Variants in POU4F1 observed in about 807,000 individuals in gnomAD.
The protein encoded by POU4F1 is POU domain, class 4, transcription factor 1.
In POU4F1, 5 loss-of-function variants were observed where a neutral mutation model predicts 19.8. The ratio of observed to expected loss-of-function variants is 0.25; its 90% CI spans 0.13 to 0.53. The LOEUF (loss-of-function observed/expected upper bound fraction) is 0.53. POU4F1 is among the 20% of genes least tolerant of loss of function. The pLI is 0.96. For missense variants in POU4F1, 408 were observed against 511.6 expected, an observed-to-expected ratio of 0.80 and a Z score of 1.95; for synonymous variants, 266 against 247.7, an observed-to-expected ratio of 1.07 and a Z score of -0.69.
At position 78,602,220 on chromosome 13, in the gene POU4F1, C is replaced by A; in HGVS notation, c.455G>T (p.Gly152Val). ...GCCCGGGCCGCCGCCGCCGCCCGGG[C>A]CGCCACCGCCCCCCGGGCCGTCGTG... ...GAHDGPGGGG[G>V]PGGGGGPGGG... Residue 152 changes from glycine to valine, a missense_variant, in exon 2 of 2, where the codon GGC becomes GTC. Transcript: ENST00000377208. 1 of 884,266 alleles carries A rather than the reference C, an allele frequency of 1.1e-6. No individual in the cohort carries two copies. The highest frequency in any genetic ancestry group is 1.3e-6 in the Non-Finnish European group (1 of 742,036). The allele number at this position is 884,266 out of a possible 1,614,324, so 54.8% of individuals were successfully genotyped here.
rs1422739319 is a variant in POU4F1, at chr13:78,602,468, G to A, written c.207C>T (p.Ser69=). 6.3e-7 allele frequency: 1 copy of A among 1,599,426 alleles called. No individual in the cohort carries two copies. Among genetic ancestry groups the A allele is most frequent in the South Asian group, 1.1e-5 (1 of 88,368 alleles). ...EALAAVDIAV[S]QGKSHPFKPD... ...GCTTGAAAGGATGGCTCTTGCCCTG[G>A]GACACGGCGATGTCCACGGCCGCCA... Residue 69 remains serine, a synonymous_variant, in exon 2 of 2, where the codon TCC becomes TCT. Transcript: ENST00000377208.
chr13:78,603,255 C>A lies in POU4F1; in HGVS notation c.72G>T (p.Ser24=), dbSNP rs1276401251. 1.2e-5 allele frequency: 19 copies of A among 1,573,326 alleles called. No homozygotes were observed. The highest frequency in any genetic ancestry group is 1.6e-5 in the Non-Finnish European group (19 of 1,161,524). ...HPTLPEHKYP[S]LHSSSEAIRR... is the part of the protein sequence containing the mutation. ...GGATGGCCTCGGAGCTGGAGTGCAG[C>A]GACGGGTACTTGTGCTCAGGGAGGG... The change falls in exon 1 of 2, where the codon TCG becomes TCT. Residue 24 remains serine, a synonymous_variant. Transcript: ENST00000377208.
chr13:78,599,594 A>T lies in POU4F1; in HGVS notation c.*1821T>A, dbSNP rs1290127309. On this transcript the variant is annotated 3_prime_UTR_variant, in exon 2 of 2. Transcript: ENST00000377208. ...TGCCCTGCAAACAATGATATACAACATAATTAAATAAATAATGCCTAACCA... is the reference window on the plus strand; with the variant it reads ...TGCCCTGCAAACAATGATATACAACTTAATTAAATAAATAATGCCTAACCA... 6.6e-6 allele frequency: 1 copy of T among 152,642 alleles called. No individual in the cohort carries two copies. The highest frequency in any genetic ancestry group is 1.9e-4 in the East Asian group (1 of 5,206). 9.5% of individuals were successfully genotyped at this position (152,642 alleles called of 1,614,324 possible).
rs961846815 is a variant in POU4F1, at chr13:78,598,505, C to T, written c.*2910G>A. ...TTTAACATTAACAACTGTTTAAAAT[C>T]GCAGCTTTTAAAATGTACTATTCTT... On this transcript the variant is annotated 3_prime_UTR_variant, in exon 2 of 2. Transcript: ENST00000377208. The T allele has an allele frequency of 1.3e-5, 2 of 151,464 alleles. No individual in the cohort carries two copies. Among genetic ancestry groups the T allele is most frequent in the Non-Finnish European group, 2.9e-5 (2 of 67,928 alleles). 9.4% of individuals were successfully genotyped at this position (151,464 alleles called of 1,614,324 possible). A position where few individuals can be genotyped will look rare whatever the true frequency, so the allele number is the denominator to read the frequency against.
rs1230560471 is a variant in POU4F1, at chr13:78,602,184, C to T, written c.491G>A (p.Gly164Glu). The T allele has an allele frequency of 3.4e-5, 1 of 29,500 alleles. No individual in the cohort carries two copies. The allele number at this position is 29,500 out of a possible 1,614,324, so 1.8% of individuals were successfully genotyped here. ...CCCCGGGCCGCCACCGCCGCCTCCC[C>T]CGGGGCCGCCGCCCGGGCCGCCGCC... Reference protein sequence around the residue: ...GGGGGPGGGPGGGGGGGPGGG... With the variant: ...GGGGGPGGGPEGGGGGGPGGG... The change falls in exon 2 of 2, where the codon GGG becomes GAG. Residue 164 changes from glycine (G) to glutamate (E), a missense_variant. Physicochemically the swap from Gly to Glu is moderately conservative, Grantham distance 98 (BLOSUM62 -2). Around this residue, in one of 4 missense-constraint regions of POU4F1, gnomAD observed 294 missense variants for 288.2 expected, o/e 1.02. Coordinates refer to ENST00000377208, the MANE Select transcript of POU4F1 (RefSeq NM_006237.4).
In POU4F1 at chr13:78,599,359, T is replaced by A. The variant is rs964687323; in HGVS notation, c.*2056A>T. ...GATCAATCCGTGAGACATTTCAGGATGAACACTGGCAGTCTGTTACCACTG... is the reference window on the plus strand; with the variant it reads ...GATCAATCCGTGAGACATTTCAGGAAGAACACTGGCAGTCTGTTACCACTG... On this transcript the variant is annotated 3_prime_UTR_variant, in exon 2 of 2. Coordinates refer to ENST00000377208, the MANE Select transcript of POU4F1 (RefSeq NM_006237.4). The A allele has an allele frequency of 1.3e-5, 2 of 152,652 alleles. No homozygotes were observed. Among genetic ancestry groups the A allele is most frequent in the Non-Finnish European group, 2.9e-5 (2 of 68,036 alleles). 9.5% of individuals were successfully genotyped at this position (152,652 alleles called of 1,614,324 possible). A position where few individuals can be genotyped will look rare whatever the true frequency, so the allele number is the denominator to read the frequency against.
At position 78,600,360 on chromosome 13, in the gene POU4F1, A is replaced by G. The variant is rs1874644482; in HGVS notation, c.*1055T>C. Reference sequence around the variant, plus strand: ...GCAAGTTAAAGTTCTATGAGTGGGAAAAGCTTATTTTGAAATTGTCTAAAA... The same window carrying G: ...GCAAGTTAAAGTTCTATGAGTGGGAGAAGCTTATTTTGAAATTGTCTAAAA... On this transcript the variant is annotated 3_prime_UTR_variant, in exon 2 of 2. Transcript: ENST00000377208. 6.6e-6 allele frequency: 1 copy of G among 152,256 alleles called. No individual in the cohort carries two copies. The highest frequency in any genetic ancestry group is 1.5e-5 in the Non-Finnish European group (1 of 68,038). 9.4% of individuals were successfully genotyped at this position (152,256 alleles called of 1,614,324 possible).
intron 1 of POU4F1, 48 bp downstream of exon 1, chr13:78,603,156 G>A (rs9601093): frequency 0.29 from 370,622 of 1,290,138 alleles, 55,317 homozygotes; most frequent in East Asian, 0.32. Flanking sequence ...TTTCGGAGAC[G>A]GGGAGGGGCG....
In POU4F1 at chr13:78,602,294, G is replaced by T; in HGVS notation, c.381C>A (p.Leu127=). Residue 127 remains leucine, a synonymous_variant, in exon 2 of 2, where the codon CTC becomes CTA. Coordinates refer to ENST00000377208, the MANE Select transcript of POU4F1 (RefSeq NM_006237.4). ...CGCCCGCGCCGCCCGCGCCGGCCATGAGCGCGAGCGACGGCGAGGAGATGT... is the reference window on the plus strand; with the variant it reads ...CGCCCGCGCCGCCCGCGCCGGCCATTAGCGCGAGCGACGGCGAGGAGATGT... ...LDHISSPSLA[L]MAGAGGAGAA... The T allele has an allele frequency of 8.1e-7, 1 of 1,239,458 alleles. No individual in the cohort carries two copies. The highest frequency in any genetic ancestry group is 1.0e-6 in the Non-Finnish European group (1 of 989,736). The allele number at this position is 1,239,458 out of a possible 1,614,324, so 76.8% of individuals were successfully genotyped here.
Position 78,602,677 on chromosome 13 carries a change from T to C in POU4F1, c.124-126A>G, listed in dbSNP as rs1874759388. 3.8e-6 allele frequency: 4 copies of C among 1,042,920 alleles called. No homozygotes were observed. In the South Asian group the frequency reaches 1.1e-4, roughly 28 times the overall value. 64.6% of individuals were successfully genotyped at this position (1,042,920 alleles called of 1,614,324 possible). A position where few individuals can be genotyped will look rare whatever the true frequency, so the allele number is the denominator to read the frequency against. On this transcript the variant is annotated intron_variant, in intron 1 of 1. Transcript: ENST00000377208. ...AAGGGCAAACACAAAGCAACCAAAA[T>C]AACAACGGGTTTGGGGGCAGTGGAG...
Position 78,600,677 on chromosome 13 carries a change from G to T in POU4F1, c.*738C>A, listed in dbSNP as rs1043714304. ...GCAGCCATAGGCCTCTCATTGGAAC[G>T]GAGGAAATAAAGAGGATATGGATGG... On this transcript the variant is annotated 3_prime_UTR_variant, in exon 2 of 2. Coordinates refer to ENST00000377208, the MANE Select transcript of POU4F1 (RefSeq NM_006237.4). 2.0e-5 allele frequency: 3 copies of T among 152,290 alleles called. No homozygotes were observed. The highest frequency in any genetic ancestry group is 4.4e-5 in the Non-Finnish European group (3 of 68,152). The allele number at this position is 152,290 out of a possible 1,614,324, so 9.4% of individuals were successfully genotyped here.
In POU4F1 at chr13:78,602,010, G is replaced by GCCGCCA. The variant is rs1874718854; in HGVS notation, c.659_664dup (p.Val220_Ala221dup). 3.5e-6 allele frequency: 3 copies of GCCGCCA among 859,060 alleles called. No homozygotes were observed. The highest frequency in any genetic ancestry group is 4.2e-6 in the Non-Finnish European group (3 of 717,268). The allele number at this position is 859,060 out of a possible 1,614,324, so 53.2% of individuals were successfully genotyped here. A position where few individuals can be genotyped will look rare whatever the true frequency, so the allele number is the denominator to read the frequency against. ...CGCTGCCGCGCCGTGGTGCGCCGCC[G>GCCGCCA]CCGCCACCAGCCCGGGGTGCGGCAG... On this transcript the variant is annotated inframe_insertion, in exon 2 of 2. Transcript: ENST00000377208.
At position 78,603,464 on chromosome 13, in the gene POU4F1, T is replaced by TGCA; in HGVS notation, c.-139_-138insTGC. 7.9e-7 allele frequency: 1 copy of TGCA among 1,267,376 alleles called. No homozygotes were observed. The allele number at this position is 1,267,376 out of a possible 1,614,324, so 78.5% of individuals were successfully genotyped here. ...TGGCGGCGGCCCCGCCGCGGGCTGC[T>TGCA]GCTGCTGCTCCTGCTGCTGCCAGGC... is the stretch of plus-strand genomic sequence containing the variant. On this transcript the variant is annotated 5_prime_UTR_variant, in exon 1 of 2. Transcript: ENST00000377208.
rs115376645 is a variant in POU4F1, at chr13:78,600,606, C to G, written c.*809G>C. ...AAGCAAGCAGCCAGCCTCCCCCTGA[C>G]CCTCTCTTTTCAGCTGTGCTCCCAC... is the stretch of plus-strand genomic sequence containing the variant. On this transcript the variant is annotated 3_prime_UTR_variant, in exon 2 of 2. Transcript: ENST00000377208. 752 of 152,468 alleles carry G rather than the reference C, an allele frequency of 4.9e-3. 9 individuals carry two copies. The highest frequency in any genetic ancestry group is 0.017 in the African/African-American group (718 of 41,520). The allele number at this position is 152,468 out of a possible 1,614,324, so 9.4% of individuals were successfully genotyped here. A position where few individuals can be genotyped will look rare whatever the true frequency, so the allele number is the denominator to read the frequency against.
chr13:78,601,351 G>A lies in POU4F1; in HGVS notation c.*64C>T. On this transcript the variant is annotated 3_prime_UTR_variant, in exon 2 of 2. Transcript: ENST00000377208. The stretch of plus-strand genomic sequence containing the variant: ...CAAATCCGAGGGGAGGCAAGCAGAG[G>A]AAAGCCCCCCAAAAATGCCTCCTCA... 6.2e-7 allele frequency: 1 copy of A among 1,602,220 alleles called. No homozygotes were observed.
In POU4F1 at chr13:78,603,389, G is replaced by C. The variant is rs115055921; in HGVS notation, c.-63C>G. 2 of 1,521,462 alleles carry C rather than the reference G, an allele frequency of 1.3e-6. No homozygotes were observed. Among genetic ancestry groups the C allele is most frequent in the Non-Finnish European group, 1.8e-6 (2 of 1,132,924 alleles). 94.2% of individuals were successfully genotyped at this position (1,521,462 alleles called of 1,614,324 possible). A position where few individuals can be genotyped will look rare whatever the true frequency, so the allele number is the denominator to read the frequency against. On this transcript the variant is annotated 5_prime_UTR_variant, in exon 1 of 2. Transcript: ENST00000377208. ...AAGTCCGCGGGAAAGTGCGTACGCC[G>C]GCTCACCCGGCCTCCCTTCGGAGGC...
Position 78,601,397 on chromosome 13 carries a change from C to CTGT in POU4F1, c.*17_*18insACA, listed in dbSNP as rs750108730. 6.2e-7 allele frequency: 1 copy of CTGT among 1,613,378 alleles called. No individual in the cohort carries two copies. Among genetic ancestry groups the CTGT allele is most frequent in the South Asian group, 1.1e-5 (1 of 91,060 alleles). On this transcript the variant is annotated 3_prime_UTR_variant, in exon 2 of 2. Coordinates refer to ENST00000377208, the MANE Select transcript of POU4F1 (RefSeq NM_006237.4). ...CCTCAGCTCCCCATTCTGTCCCGCC[C>CTGT]GACACCTCCCAGCCCCCTCAGTAAG...
Position 78,600,963 on chromosome 13 carries a change from T to G in POU4F1, c.*452A>C, listed in dbSNP as rs916252432. 10 of 166,064 alleles carry G rather than the reference T, an allele frequency of 6.0e-5. No individual in the cohort carries two copies. Among genetic ancestry groups the G allele is most frequent in the Admixed American group, 2.3e-4 (4 of 17,402 alleles). 10.3% of individuals were successfully genotyped at this position (166,064 alleles called of 1,614,324 possible). On this transcript the variant is annotated 3_prime_UTR_variant, in exon 2 of 2. Coordinates refer to ENST00000377208, the MANE Select transcript of POU4F1 (RefSeq NM_006237.4). ...CTGTTTTGTTTTAGTTTGTCTTTAT[T>G]TGTCTAGTTTTTGGTGGTTGGTAGG...
chr13:78,603,400 C>T lies in POU4F1; in HGVS notation c.-74G>A. ...AAAGTGCGTACGCCGGCTCACCCGG[C>T]CTCCCTTCGGAGGCTGCAGCCGCGG... On this transcript the variant is annotated 5_prime_UTR_variant, in exon 1 of 2. Transcript: ENST00000377208. 6.6e-7 allele frequency: 1 copy of T among 1,509,562 alleles called. No homozygotes were observed. Among genetic ancestry groups the T allele is most frequent in the Middle Eastern group, 1.8e-4 (1 of 5,632 alleles). 93.5% of individuals were successfully genotyped at this position (1,509,562 alleles called of 1,614,324 possible). A position where few individuals can be genotyped will look rare whatever the true frequency, so the allele number is the denominator to read the frequency against.
Sources: gnomAD v4.1 joint callset for allele counts on GRCh38, gnomAD v4.1.1 for gene constraint, gnomAD v4.1.1 regional missense constraint, MANE v1.5 for transcripts, NCBI Gene and HGNC (gene_info 2026-07-23, HGNC 2026-07-21) for gene names.